The following TGFBR3 variants were observed in gnomAD, a reference collection of about 807,000 sequenced individuals.
TGFBR3 encodes the protein transforming growth factor beta receptor type 3.
Under a neutral mutation model 87.9 loss-of-function variants are expected in TGFBR3, and 46 were observed. The observed-to-expected ratio is 0.52, with a 90% CI of 0.41 to 0.67. The LOEUF is 0.67. Ranked by LOEUF, TGFBR3 falls within the 30% of genes least tolerant of loss-of-function variation. The probability of loss-of-function intolerance (pLI) is 0.00; values close to 1 mark genes in which losing one functional copy is unlikely to be tolerated. For synonymous variants in TGFBR3, 381 were observed against 391.6 expected (o/e 0.97, Z 0.32); for missense variants, 866 against 1,041.9 (o/e 0.83, Z 2.32).
At chr1:91,720,597 C>A (rs1468995813) in intron 8 of TGFBR3, among the ~76,000 whole-genome samples, 1 of 152,216 alleles carries the variant, frequency 6.6e-6, no homozygotes, top group African/African-American at 2.4e-5. Flanking sequence ...TAAACTCAGA[C>A]TCTCTGGGGT....
chr1:91,839,066 C>T (rs1677171524), intron 2 of TGFBR3, among the ~76,000 whole-genome samples: 1 of 152,130 alleles, frequency 6.6e-6, no homozygotes, highest in South Asian at 2.1e-4. Flanking sequence ...CAGTCCTGAC[C>T]TTCCGGGCTC....
intron 1 of TGFBR3, among the ~76,000 whole-genome samples, chr1:91,883,077 C>G (rs1283996096): frequency 6.6e-6 from 1 of 152,202 alleles, no homozygotes. Flanking sequence ...AAATGAGGAT[C>G]ATTACAAAAG....
At chr1:91,731,277 T>G (rs911855055) in intron 5 of TGFBR3, among the ~76,000 whole-genome samples, 5 of 152,050 alleles carry the variant, frequency 3.3e-5, no homozygotes, top group Non-Finnish European at 7.4e-5. Flanking sequence ...CCCTCCCCAC[T>G]TGTGCAACCT....
At chr1:91,724,387 CACA>C (rs1672479008) in intron 7 of TGFBR3, among the ~76,000 whole-genome samples, 1 of 152,218 alleles carries the variant, frequency 6.6e-6, no homozygotes, top group Admixed American at 6.5e-5. Flanking sequence ...TGGCTGGAAT[CACA>C]ACAATTGGCC....
chr1:91,870,302 T>C (rs1261475367), intron 1 of TGFBR3, among the ~76,000 whole-genome samples: 1 of 152,234 alleles, frequency 6.6e-6, no homozygotes, highest in Admixed American at 6.5e-5. Flanking sequence ...CTGTCACTTA[T>C]CATTTTGTGT....
intron 3 of TGFBR3, among the ~76,000 whole-genome samples, chr1:91,765,420 T>C (rs1039450888): frequency 1.3e-5 from 2 of 152,006 alleles, no homozygotes; most frequent in Non-Finnish European, 1.5e-5. Flanking sequence ...GGGGTGTATA[T>C]AGTAAACAGA....
At chr1:91,829,031 G>A (rs1036133642) in intron 2 of TGFBR3, among the ~76,000 whole-genome samples, 8 of 151,632 alleles carry the variant, frequency 5.3e-5, no homozygotes, top group Non-Finnish European at 5.9e-5. Flanking sequence ...TCCCAACCCC[G>A]CCCCCTCCAC....
In TGFBR3 at chr1:91,830,203, C is replaced by CTTTGTACTAGTACA. The variant is rs1676803169; in HGVS notation, c.61+31267_61+31268insTGTACTAGTACAAA. ...TTCCAAAAACTGCCAATACTAGTACCATGTTCTTTGCCTCTGTCTTTCTCT... is the reference window on the plus strand; with the variant it reads ...TTCCAAAAACTGCCAATACTAGTACCTTTGTACTAGTACAATGTTCTTTGCCTCTGTCTTTCTCT... On this transcript the variant is annotated intron_variant, in intron 2 of 16. Transcript: ENST00000212355. 3.9e-5 allele frequency: 6 copies of CTTTGTACTAGTACA among 152,274 alleles called. 1 individual carries two copies. The highest frequency in any genetic ancestry group is 8.8e-5 in the Non-Finnish European group (6 of 68,094). The allele number at this position is 152,274 out of a possible 1,614,324, so 9.4% of individuals were successfully genotyped here.
intron 3 of TGFBR3, among the ~76,000 whole-genome samples, chr1:91,764,317 C>CAAAAAAAAAAAAAAA (rs200776741): frequency 3.5e-4 from 27 of 77,296 alleles, no homozygotes; most frequent in South Asian, 5.1e-4. Context: ...ACAAAAGAGA[C>CAAAAAAAAAAAAAAA]AAAAAAAAAA....
chr1:91,797,487 C>T lies in TGFBR3; in HGVS notation c.62-16G>A. The T allele has an allele frequency of 6.2e-7, 1 of 1,613,918 alleles. No homozygotes were observed. Among genetic ancestry groups the T allele is most frequent in the Non-Finnish European group, 8.5e-7 (1 of 1,179,978 alleles). ...GGCTCTGGACCTGCCAAGGGAATCA[C>T]AAACACAAGCCACTCAGAAACAGCA... On this transcript the variant is annotated splice_polypyrimidine_tract_variant and intron_variant, in intron 2 of 16. Coordinates refer to ENST00000212355, the MANE Select transcript of TGFBR3 (RefSeq NM_003243.5).
At chr1:91,817,144 T>G (rs1221484130) in intron 2 of TGFBR3, among the ~76,000 whole-genome samples, 1 of 152,200 alleles carries the variant, frequency 6.6e-6, no homozygotes, top group Non-Finnish European at 1.5e-5. Context: ...TGAATTCACC[T>G]CCAGCCTGAC....
intron 4 of TGFBR3, among the ~76,000 whole-genome samples, chr1:91,755,446 G>A (rs1157448276): frequency 6.6e-6 from 1 of 152,044 alleles, no homozygotes; most frequent in East Asian, 1.9e-4. Flanking sequence ...GTGCAGACGG[G>A]AAAAAAACCG....
At chr1:91,745,503 C>G (rs945264157) in intron 4 of TGFBR3, among the ~76,000 whole-genome samples, 5 of 152,166 alleles carry the variant, frequency 3.3e-5, no homozygotes, top group Non-Finnish European at 5.9e-5. Flanking sequence ...TAGAACTCAT[C>G]ACAGCCCCCA....
chr1:91,794,360 T>C (rs1053679172), intron 3 of TGFBR3, among the ~76,000 whole-genome samples: 1 of 152,096 alleles, frequency 6.6e-6, no homozygotes, highest in African/African-American at 2.4e-5. Context: ...CCCGCCACCA[T>C]GCCAGCTAAT....
At chr1:91,810,771 G>T (rs1676002763) in intron 2 of TGFBR3, among the ~76,000 whole-genome samples, 1 of 152,136 alleles carries the variant, frequency 6.6e-6, no homozygotes, top group Non-Finnish European at 1.5e-5. Context: ...ATACAATGGG[G>T]ATAATAACAG....
chr1:91,831,016 GT>G lies in TGFBR3; in HGVS notation c.61+30454del, dbSNP rs17878257. 7.4e-3 allele frequency among the ~76,000 whole-genome samples: 1,131 copies of G among 152,210 alleles called. 16 individuals carry two copies. Among genetic ancestry groups the G allele is most frequent in the African/African-American group, 0.026 (1,067 of 41,530 alleles). ...ACTGGAGTCCCAAAGGTCTCTTCAA[GT>G]TAGAAATCATCACCATTGTGTTTCC... On this transcript the variant is annotated intron_variant, in intron 2 of 16. Transcript: ENST00000212355.
chr1:91,826,529 T>C (rs1234291927), intron 2 of TGFBR3, among the ~76,000 whole-genome samples: 1 of 152,096 alleles, frequency 6.6e-6, no homozygotes, highest in Non-Finnish European at 1.5e-5. Context: ...AGAGACATAC[T>C]GGGTGTCTGG....
At chr1:91,866,287 C>G (rs1678394133) in intron 1 of TGFBR3, among the ~76,000 whole-genome samples, 1 of 152,190 alleles carries the variant, frequency 6.6e-6, no homozygotes, top group African/African-American at 2.4e-5. Flanking sequence ...GTAGCTTCCC[C>G]TTAGATGGCT....
chr1:91,688,817 G>A (rs932792375), intron 16 of TGFBR3, among the ~76,000 whole-genome samples: 7 of 152,158 alleles, frequency 4.6e-5, no homozygotes, highest in South Asian at 2.1e-4. Flanking sequence ...GTGCCAATGT[G>A]TTCAGAGGCC....
Sources: gnomAD v4.1 joint callset for allele counts (sites outside exome capture counted in the v4.1 genomes callset) on GRCh38, gnomAD v4.1.1 for gene constraint, MANE v1.5 for transcripts, NCBI Gene and HGNC (gene_info 2026-07-23, HGNC 2026-07-21) for gene names.